The following DLG2 variants were observed in gnomAD, a reference collection of about 807,000 sequenced individuals.
DLG2 encodes the protein disks large homolog 2.
In DLG2, 45 loss-of-function variants were observed where a neutral mutation model predicts 132.5. That is an observed-to-expected ratio of 0.34 (90% CI 0.27 to 0.44). The LOEUF (loss-of-function observed/expected upper bound fraction) is 0.44, where lower values mean the gene tolerates loss of function less well. Among genes scored for constraint, DLG2 ranks in the 20% least tolerant of loss-of-function variants. DLG2 has a pLI of 1.00. For synonymous variants in DLG2, 424 were observed against 419.6 expected (o/e 1.01, Z -0.13); for missense variants, 1,045 against 1,196.9 (o/e 0.87, Z 1.87).
rs139691976 is a variant in DLG2, at chr11:84,325,977, T to C, written c.520-74686A>G. ...TATTTATGATTCAGTTTTGGAAGGT[T>C]ATATGTTTCTAGGAATTTGTTCATT... On this transcript the variant is annotated intron_variant, in intron 7 of 27. Coordinates refer to ENST00000376104, the MANE Select transcript of DLG2 (RefSeq NM_001142699.3). Among the ~76,000 whole-genome samples, 1,444 of 152,192 alleles carry C rather than the reference T, an allele frequency of 9.5e-3. 34 individuals carry two copies. Among genetic ancestry groups the C allele is most frequent in the African/African-American group, 0.033 (1,387 of 41,568 alleles).
chr11:85,187,457 T>G (rs2080195791), intron 4 of DLG2, among the ~76,000 whole-genome samples: 1 of 152,100 alleles, frequency 6.6e-6, no homozygotes, highest in Admixed American at 6.6e-5. Context: ...GTTATTAATT[T>G]GAGTGCTAAC....
In DLG2 at chr11:83,455,930, A is replaced by C. The variant is rs1591138907; in HGVS notation, c.*3888T>G. 1 of 152,544 alleles carries C rather than the reference A, an allele frequency of 6.6e-6. No homozygotes were observed. 9.4% of individuals were successfully genotyped at this position (152,544 alleles called of 1,614,324 possible). A position where few individuals can be genotyped will look rare whatever the true frequency, so the allele number is the denominator to read the frequency against. On this transcript the variant is annotated 3_prime_UTR_variant, in exon 28 of 28. Coordinates refer to ENST00000376104, the MANE Select transcript of DLG2 (RefSeq NM_001142699.3). ...GGCTTAAATATATTTGTAGGAATTT[A>C]GGCAGGACCAAGACAGGAAAGAAGA...
At chr11:85,583,130 G>GTATATATATATA (rs3068386) in intron 3 of DLG2, among the ~76,000 whole-genome samples, 60 of 13,586 alleles carry the variant, frequency 4.4e-3, no homozygotes, top group Non-Finnish European at 5.4e-3. Flanking sequence ...GTGTGTGTGT[G>GTATATATATATA]TATATATATA....
intron 9 of DLG2, among the ~76,000 whole-genome samples, chr11:84,101,040 A>G (rs2154181831): frequency 6.6e-6 from 1 of 152,268 alleles, no homozygotes; most frequent in Non-Finnish European, 1.5e-5. Context: ...CAGAGTTATT[A>G]CTTATTAGCA....
At chr11:84,490,908 T>TGC (rs1555622958) in intron 7 of DLG2, among the ~76,000 whole-genome samples, 1 of 151,802 alleles carries the variant, frequency 6.6e-6, no homozygotes, top group Non-Finnish European at 1.5e-5. Context: ...TGTGTGTGTG[T>TGC]GCATATGTGT....
intron 3 of DLG2, among the ~76,000 whole-genome samples, chr11:85,397,061 C>T (rs562298360): frequency 1.5e-4 from 23 of 152,278 alleles, no homozygotes; most frequent in African/African-American, 4.1e-4. Flanking sequence ...GGAAGCCCAT[C>T]GGACTAACAG....
At chr11:84,973,829 T>C (rs1212656403) in intron 6 of DLG2, among the ~76,000 whole-genome samples, 1 of 152,196 alleles carries the variant, frequency 6.6e-6, no homozygotes, top group Non-Finnish European at 1.5e-5. Flanking sequence ...ATTCCATGAA[T>C]ACTTAATTTA....
At chr11:83,516,132 G>T (rs1440133536) in intron 21 of DLG2, among the ~76,000 whole-genome samples, 4 of 152,158 alleles carry the variant, frequency 2.6e-5, no homozygotes, top group Non-Finnish European at 5.9e-5. Flanking sequence ...GAGTGTTAAA[G>T]TCTTCCATTA....
At chr11:84,572,849 G>A (rs922307966) in intron 6 of DLG2, among the ~76,000 whole-genome samples, 2 of 152,058 alleles carry the variant, frequency 1.3e-5, no homozygotes, top group African/African-American at 4.8e-5. Context: ...TACATGTGCA[G>A]CATCCATCTG....
chr11:85,561,316 A>C (rs1374506675), intron 3 of DLG2, among the ~76,000 whole-genome samples: 3 of 131,404 alleles, frequency 2.3e-5, no homozygotes, highest in African/African-American at 8.3e-5. Context: ...TAGGTGACAG[A>C]GCAAGACCCT....
intron 8 of DLG2, among the ~76,000 whole-genome samples, chr11:84,235,331 C>T (rs577167138): frequency 6.6e-5 from 10 of 152,242 alleles, no homozygotes; most frequent in African/African-American, 1.7e-4. Flanking sequence ...TATCGAGGGC[C>T]GTAGGTTTCA....
At chr11:84,442,447 A>G (rs2099020062) in intron 7 of DLG2, among the ~76,000 whole-genome samples, 1 of 152,094 alleles carries the variant, frequency 6.6e-6, no homozygotes, top group Admixed American at 6.6e-5. Flanking sequence ...CAAATACCAC[A>G]TGTTCTCACT....
chr11:84,093,570 T>C (rs1327505368), intron 10 of DLG2, among the ~76,000 whole-genome samples: 1 of 152,144 alleles, frequency 6.6e-6, no homozygotes, highest in African/African-American at 2.4e-5. Flanking sequence ...TAGTCACAGG[T>C]TCTATGGATT....
At chr11:84,407,691 G>A (rs940520419) in intron 7 of DLG2, among the ~76,000 whole-genome samples, 6 of 152,130 alleles carry the variant, frequency 3.9e-5, no homozygotes, top group Non-Finnish European at 7.4e-5. Flanking sequence ...TTGGATACAT[G>A]GGATATTTAT....
rs116012305 is a variant in DLG2 at position 84,270,981 on chromosome 11, A to C, written c.520-19690T>G. ...AACAATGAAGTGTATCATTAGTACA[A>C]ATTCCATACAAGTGAAAATACATGT... On this transcript the variant is annotated intron_variant, in intron 7 of 27. Coordinates refer to ENST00000376104, the MANE Select transcript of DLG2 (RefSeq NM_001142699.3). 2.6e-3 allele frequency among the ~76,000 whole-genome samples: 398 copies of C among 152,324 alleles called. 1 individual carries two copies. The highest frequency in any genetic ancestry group is 9.1e-3 in the African/African-American group (378 of 41,582).
chr11:85,340,785 T>A (rs1034743860), intron 3 of DLG2, among the ~76,000 whole-genome samples: 2 of 152,214 alleles, frequency 1.3e-5, no homozygotes, highest in Non-Finnish European at 1.5e-5. Context: ...TTTATCAATC[T>A]TTTCTTTCGT....
rs1055212933 is a variant in DLG2 at position 83,639,554 on chromosome 11, C to A, written c.1826-6229G>T. Among the ~76,000 whole-genome samples, 3 of 126,586 alleles carry A rather than the reference C, an allele frequency of 2.4e-5. No individual in the cohort carries two copies. The Admixed American group carries it at 3.0e-4, about 13-fold the overall frequency. 83.0% of individuals were successfully genotyped at this position (126,586 alleles called of 152,430 possible). On this transcript the variant is annotated intron_variant, in intron 18 of 27. Transcript: ENST00000376104. ...TTCTCACTCATAGGTGGGAATTGAA[C>A]AATGAGAACACATGGACAGAGGAAG...
intron 25 of DLG2, among the ~76,000 whole-genome samples, chr11:83,467,771 G>GTATGTA (rs1555055512): frequency 2.4e-5 from 2 of 85,058 alleles, no homozygotes; most frequent in Admixed American, 1.5e-4. Context: ...AAAACTATAT[G>GTATGTA]TATATATATA....
intron 6 of DLG2, among the ~76,000 whole-genome samples, chr11:84,979,758 A>C (rs556123722): frequency 6.6e-6 from 1 of 152,272 alleles, no homozygotes; most frequent in Non-Finnish European, 1.5e-5. Flanking sequence ...ATACATATGT[A>C]ACAAACCTGC....
Sources: allele counts gnomAD v4.1 joint callset (sites outside exome capture counted in the v4.1 genomes callset), GRCh38; gene constraint gnomAD v4.1.1; transcripts MANE v1.5; gene names NCBI Gene and HGNC (gene_info 2026-07-23, HGNC 2026-07-21).